CPA6: variants seen among roughly 807,000 people sequenced by gnomAD.
CPA6 encodes the protein carboxypeptidase A6, also known as carboxypeptidase B.
CPA6 carries 58 observed loss-of-function variants against 63.3 expected under a neutral mutation model. The observed-to-expected ratio is 0.92, with a 90% confidence interval of 0.74 to 1.14. The LOEUF is 1.14. Among genes scored for constraint, CPA6 ranks in the 50% most tolerant of loss-of-function variants. CPA6 has a pLI of 0.00. For missense variants in CPA6, 565 were observed against 526.6 expected (o/e 1.07, Z -0.71); for synonymous variants, 185 against 179.0 (o/e 1.03, Z -0.27).
At chr8:67,531,875 T>A (rs1261478168) in intron 2 of CPA6, among the ~76,000 whole-genome samples, 1 of 152,134 alleles carries the variant, frequency 6.6e-6, no homozygotes, top group Non-Finnish European at 1.5e-5. Flanking sequence ...GATTACAATG[T>A]AATTAAATTT....
intron 1 of CPA6, among the ~76,000 whole-genome samples, chr8:67,727,154 G>GAA (rs369383538): frequency 3.3e-5 from 5 of 150,538 alleles, no homozygotes; most frequent in African/African-American, 9.7e-5. Flanking sequence ...TAGGGAGAAA[G>GAA]AAAAAAAAAC....
chr8:67,700,643 T>A (rs1026997317), intron 1 of CPA6, among the ~76,000 whole-genome samples: 3 of 152,222 alleles, frequency 2.0e-5, no homozygotes, highest in Non-Finnish European at 2.9e-5. Flanking sequence ...TCTGTCTTCA[T>A]CTTTCCTTCC....
At chr8:67,447,506 TAC>T (rs56840320) in intron 8 of CPA6, among the ~76,000 whole-genome samples, 21,735 of 142,422 alleles carry the variant, frequency 0.15, 1,573 homozygotes, top group Middle Eastern at 0.21. Flanking sequence ...TATGTGTGTA[TAC>T]ACACACACAC....
In CPA6 at chr8:67,681,200, C is replaced by CTTTTTTTTTTTTTTTTTTTTTTTTTT. The variant is rs1007305743; in HGVS notation, c.117-56950_117-56949insAAAAAAAAAAAAAAAAAAAAAAAAAA. On this transcript the variant is annotated intron_variant, in intron 1 of 10. Transcript: ENST00000297770. Reference sequence around the variant, plus strand: ...CTCAACCCAAGGTCACAAAGATTTTCTTTTTTTTTTTTTTTTTTTTGAGAC... The same window carrying CTTTTTTTTTTTTTTTTTTTTTTTTTT: ...CTCAACCCAAGGTCACAAAGATTTTCTTTTTTTTTTTTTTTTTTTTTTTTTTTTTTTTTTTTTTTTTTTTTTGAGAC... Among the ~76,000 whole-genome samples the CTTTTTTTTTTTTTTTTTTTTTTTTTT allele has an allele frequency of 2.3e-4, 21 of 89,876 alleles. 4 individuals carry two copies. Among genetic ancestry groups the CTTTTTTTTTTTTTTTTTTTTTTTTTT allele is most frequent in the African/African-American group, 4.9e-4 (8 of 16,234 alleles). The allele number at this position is 89,876 out of a possible 152,430, so 59.0% of individuals were successfully genotyped here.
intron 6 of CPA6, among the ~76,000 whole-genome samples, chr8:67,488,325 C>A (rs1162132066): frequency 1.3e-5 from 2 of 152,160 alleles, no homozygotes; most frequent in African/African-American, 4.8e-5. Context: ...TTCCCCATTG[C>A]TTGTTTTTGT....
chr8:67,506,249 T>C (rs980873639), intron 6 of CPA6, among the ~76,000 whole-genome samples: 2 of 152,112 alleles, frequency 1.3e-5, no homozygotes, highest in Admixed American at 6.6e-5. Flanking sequence ...CATCAACGAT[T>C]AGGGTTACTG....
At chr8:67,632,802 A>G (rs1206530538) in intron 1 of CPA6, among the ~76,000 whole-genome samples, 1 of 152,244 alleles carries the variant, frequency 6.6e-6, no homozygotes, top group African/African-American at 2.4e-5. Flanking sequence ...AAGGTGGCCC[A>G]TATGATATCT....
intron 1 of CPA6, among the ~76,000 whole-genome samples, chr8:67,708,380 T>A (rs920678129): frequency 1.3e-5 from 2 of 152,222 alleles, no homozygotes; most frequent in Non-Finnish European, 2.9e-5. Flanking sequence ...ATTGTATACC[T>A]TTTATTAGAT....
At chr8:67,680,715 A>G (rs1816573442) in intron 1 of CPA6, among the ~76,000 whole-genome samples, 2 of 152,166 alleles carry the variant, frequency 1.3e-5, no homozygotes, top group South Asian at 2.1e-4. Context: ...CTCAAAAGGA[A>G]CATGTCTAAT....
chr8:67,462,130 C>T (rs1184064982), intron 8 of CPA6, among the ~76,000 whole-genome samples: 1 of 150,162 alleles, frequency 6.7e-6, no homozygotes, highest in Non-Finnish European at 1.5e-5. Flanking sequence ...ATTTTTTTTT[C>T]CCCAGAAGCA....
intron 2 of CPA6, among the ~76,000 whole-genome samples, chr8:67,546,710 G>A (rs1364558990): frequency 1.3e-5 from 2 of 152,102 alleles, no homozygotes; most frequent in African/African-American, 4.8e-5. Flanking sequence ...TTTAGAGATG[G>A]GTGTCTCTCT....
At chr8:67,715,460 C>A (rs1428096534) in intron 1 of CPA6, among the ~76,000 whole-genome samples, 1 of 152,232 alleles carries the variant, frequency 6.6e-6, no homozygotes, top group Non-Finnish European at 1.5e-5. Flanking sequence ...TTTAACAGAT[C>A]TTCCACTTCC....
At chr8:67,465,605 G>A (rs759906680) in intron 8 of CPA6, among the ~76,000 whole-genome samples, 12 of 152,024 alleles carry the variant, frequency 7.9e-5, no homozygotes, top group Non-Finnish European at 1.6e-4. Context: ...AGTTTTTCCC[G>A]TTCAGTATGA....
chr8:67,518,621 C>T (rs1188431146), intron 2 of CPA6, among the ~76,000 whole-genome samples: 1 of 151,586 alleles, frequency 6.6e-6, no homozygotes, highest in Non-Finnish European at 1.5e-5. Context: ...ATTCTCCTGC[C>T]TCAGCTTCCT....
intron 8 of CPA6, among the ~76,000 whole-genome samples, chr8:67,444,991 G>T (rs1039105342): frequency 2.0e-5 from 3 of 152,078 alleles, no homozygotes; most frequent in East Asian, 1.9e-4. Context: ...ATGCAGAAAA[G>T]AATTTCATTT....
intron 2 of CPA6, among the ~76,000 whole-genome samples, chr8:67,595,791 C>T (rs372859788): frequency 2.0e-5 from 3 of 152,202 alleles, no homozygotes; most frequent in Non-Finnish European, 4.4e-5. Context: ...TCTGTCACCC[C>T]TTTCCTTGAC....
chr8:67,566,878 G>A (rs1186564717), intron 2 of CPA6, among the ~76,000 whole-genome samples: 1 of 152,190 alleles, frequency 6.6e-6, no homozygotes, highest in Non-Finnish European at 1.5e-5. Context: ...GCCCAGGAAT[G>A]GTGGGAAAGT....
At chr8:67,475,847 CTT>C (rs1563967741) in intron 8 of CPA6, among the ~76,000 whole-genome samples, 12 of 72,070 alleles carry the variant, frequency 1.7e-4, no homozygotes, top group Middle Eastern at 6.0e-3. Flanking sequence ...TTCTTTCTTT[CTT>C]TCTTTCTTTC....
At chr8:67,620,482 A>G (rs918447697) in intron 2 of CPA6, among the ~76,000 whole-genome samples, 2 of 152,172 alleles carry the variant, frequency 1.3e-5, no homozygotes, top group East Asian at 3.8e-4. Flanking sequence ...AGGCAACTAA[A>G]GGTCTTCTGG....
Sources: gnomAD v4.1 joint callset for allele counts (sites outside exome capture counted in the v4.1 genomes callset) on GRCh38, gnomAD v4.1.1 for gene constraint, MANE v1.5 for transcripts, NCBI Gene and HGNC (gene_info 2026-07-23, HGNC 2026-07-21) for gene names.